The following CASK variants were observed in gnomAD, a reference collection of about 807,000 sequenced individuals.
CASK encodes calcium/calmodulin dependent serine protein kinase.
CASK carries 4 observed loss-of-function variants against 82.9 expected under a neutral mutation model. The observed-to-expected ratio is 0.05, with a 90% CI of 0.02 to 0.11. CASK has a LOEUF of 0.11. Among genes scored for constraint, CASK ranks in the 10% least tolerant of loss-of-function variants. The pLI, the probability that CASK is intolerant of heterozygous loss-of-function variation, is 1.00. For synonymous variants in CASK, 259 were observed against 253.5 expected, an observed-to-expected ratio of 1.02 and a Z score of -0.20; for missense variants, 358 against 720.9, an observed-to-expected ratio of 0.50 and a Z score of 5.76.
intron 19 of CASK, chrX:41,555,877 A>G: frequency 6.2e-6 from 2 of 323,592 alleles, no homozygotes; most frequent in South Asian, 1.2e-4. Flanking sequence ...TTCTTAAGAA[A>G]CAACTCAGCA....
chrX:41,843,432 C>T (rs753106106), intron 2 of CASK, among the ~76,000 whole-genome samples: 1 of 111,135 alleles, frequency 9.0e-6, no homozygotes, highest in East Asian at 2.8e-4. Flanking sequence ...GACTGTTGTT[C>T]ATTTTTCTAT....
At chrX:41,777,488 C>CA (rs745388835) in intron 3 of CASK, among the ~76,000 whole-genome samples, 1,800 of 41,105 alleles carry the variant, frequency 0.044, 41 homozygotes, top group African/African-American at 0.11. Flanking sequence ...GACATCGTCT[C>CA]AAAAAAAAAA....
At chrX:41,742,332 G>T (rs1294292920) in intron 4 of CASK, among the ~76,000 whole-genome samples, 1 of 111,556 alleles carries the variant, frequency 9.0e-6, no homozygotes, top group South Asian at 3.8e-4. Context: ...GAAGTGACGT[G>T]GGGGGCTGCC....
At chrX:41,530,188 T>C (rs1296554825) in intron 25 of CASK, among the ~76,000 whole-genome samples, 1 of 111,585 alleles carries the variant, frequency 9.0e-6, no homozygotes, top group Non-Finnish European at 1.9e-5. Context: ...GCCTCTCCTA[T>C]AACCCACCTT....
At chrX:41,835,352 C>A (rs914192080) in intron 2 of CASK, among the ~76,000 whole-genome samples, 1 of 111,926 alleles carries the variant, frequency 8.9e-6, no homozygotes, top group Admixed American at 9.4e-5. Flanking sequence ...CCATGCCTGG[C>A]CACTGTACCT....
intron 1 of CASK, among the ~76,000 whole-genome samples, chrX:41,916,142 A>C (rs1365654507): frequency 8.9e-6 from 1 of 112,399 alleles, no homozygotes; most frequent in Non-Finnish European, 1.9e-5. Context: ...GTGCCACTGC[A>C]CTCCAGCCTG....
At chrX:41,798,825 A>ACT (rs5902284) in intron 2 of CASK, among the ~76,000 whole-genome samples, 19,965 of 111,259 alleles carry the variant, frequency 0.18, 1,517 homozygotes, top group Middle Eastern at 0.31. Flanking sequence ...ACAGAGCAAG[A>ACT]CTGTCTCAAA....
chrX:41,787,127 C>T (rs1430405473), intron 3 of CASK, 51 bp downstream of exon 3: 2 of 733,025 alleles, frequency 2.7e-6, no homozygotes, highest in East Asian at 6.4e-5. Flanking sequence ...CATTATCCAA[C>T]ACCAACATTG....
At chrX:41,588,339 T>C (rs2065688843) in intron 13 of CASK, 1 of 111,762 alleles carries the variant, frequency 8.9e-6, no homozygotes, top group Non-Finnish European at 1.9e-5. Flanking sequence ...TATTTCCACC[T>C]AAGCAGGGTT....
intron 26 of CASK, chrX:41,522,310 T>A (rs1221721284): frequency 8.9e-6 from 1 of 111,895 alleles, no homozygotes; most frequent in Non-Finnish European, 1.9e-5. Flanking sequence ...AGGAACTCAA[T>A]CTTTTCTCTC....
rs1023617375 is a variant in CASK, at chrX:41,918,461, C to T, written c.59+4469G>A. 2.3e-4 allele frequency among the ~76,000 whole-genome samples: 26 copies of T among 112,278 alleles called. 1 individual carries two copies. Among genetic ancestry groups the T allele is most frequent in the African/African-American group, 7.1e-4 (22 of 30,855 alleles). On this transcript the variant is annotated intron_variant, in intron 1 of 26. Coordinates refer to ENST00000378163, the MANE Select transcript of CASK (RefSeq NM_001367721.1). ...ATGTACAAACACAATCCATACTAAACTGATAAATTTCTTCATATTAAATCA... is the reference window on the plus strand; with the variant it reads ...ATGTACAAACACAATCCATACTAAATTGATAAATTTCTTCATATTAAATCA...
chrX:41,758,175 C>G (rs1250363463), intron 3 of CASK, among the ~76,000 whole-genome samples: 1 of 111,264 alleles, frequency 9.0e-6, no homozygotes, highest in East Asian at 2.8e-4. Context: ...TGGCTCACAC[C>G]TGTAATCCCA....
chrX:41,634,551 G>GC (rs1056980218), intron 9 of CASK, among the ~76,000 whole-genome samples: 3 of 112,277 alleles, frequency 2.7e-5, no homozygotes, highest in Non-Finnish European at 5.6e-5. Context: ...TGATTCTGTG[G>GC]CCCCGGGAGA....
At chrX:41,618,399 G>C (rs976983320) in intron 11 of CASK, among the ~76,000 whole-genome samples, 2 of 110,946 alleles carry the variant, frequency 1.8e-5, no homozygotes, top group Non-Finnish European at 3.8e-5. Context: ...TTCTGGGCTT[G>C]AGCAATCCTT....
At chrX:41,657,249 T>C (rs748695302) in intron 8 of CASK, among the ~76,000 whole-genome samples, 5 of 112,551 alleles carry the variant, frequency 4.4e-5, no homozygotes, top group Non-Finnish European at 9.4e-5. Context: ...GGGAAATCCA[T>C]TATCACATTA....
intron 3 of CASK, among the ~76,000 whole-genome samples, chrX:41,765,610 A>G (rs1019425498): frequency 2.7e-5 from 3 of 111,992 alleles, no homozygotes; most frequent in African/African-American, 9.7e-5. Flanking sequence ...TTTTCATATT[A>G]AAATTTTTTA....
Position 41,878,417 on chromosome X carries a change from T to C in CASK, c.60-25190A>G, listed in dbSNP as rs1442007579. On this transcript the variant is annotated intron_variant, in intron 1 of 26. Transcript: ENST00000378163. ...GAAGTGTTCTTTTTTTTGTATACGG[T>C]TGCAATGGCCTTTGTGCAAGGTCAT... Among the ~76,000 whole-genome samples, 3 of 111,535 alleles carry C rather than the reference T, an allele frequency of 2.7e-5. No individual in the cohort carries two copies. In the East Asian group the frequency reaches 8.4e-4, roughly 31 times the overall value.
chrX:41,812,494 T>C (rs1569456730), intron 2 of CASK, among the ~76,000 whole-genome samples: 1 of 111,472 alleles, frequency 9.0e-6, no homozygotes, highest in Non-Finnish European at 1.9e-5. Flanking sequence ...AAAAACCACA[T>C]GATTATCTCA....
chrX:41,865,108 T>A (rs921807002), intron 1 of CASK, among the ~76,000 whole-genome samples: 1 of 111,981 alleles, frequency 8.9e-6, no homozygotes, highest in Non-Finnish European at 1.9e-5. Flanking sequence ...GAAACCAAAC[T>A]CCCTGCATGT....
Sources: allele counts gnomAD v4.1 joint callset (sites outside exome capture counted in the v4.1 genomes callset), GRCh38; gene constraint gnomAD v4.1.1; transcripts MANE v1.5; gene names NCBI Gene and HGNC (gene_info 2026-07-23, HGNC 2026-07-21).